ETF1: variants seen among roughly 807,000 people sequenced by gnomAD.
The protein encoded by ETF1 is eukaryotic translation termination factor 1, also known as eukaryotic peptide chain release factor subunit 1.
A neutral mutation model predicts 55.1 loss-of-function variants in ETF1; 4 were observed. The ratio of observed to expected loss-of-function variants is 0.07; its 90% CI spans 0.04 to 0.17. The LOEUF is 0.17. Ranked by LOEUF, ETF1 falls within the 10% of genes least tolerant of loss-of-function variation. The pLI is 1.00. For missense variants in ETF1, 142 were observed against 523.6 expected (o/e 0.27, Z 7.11); for synonymous variants, 157 against 182.3 (o/e 0.86, Z 1.12).
At chr5:138,517,793 T>C in intron 3 of ETF1, 93 bp from the exon 4 acceptor site, 2 of 1,325,846 alleles carry the variant, frequency 1.5e-6, no homozygotes, top group Non-Finnish European at 1.9e-6. Flanking sequence ...TTTCCCTGCC[T>C]GATCCTTTAA....
At chr5:138,540,569 C>T (rs1459467001) in intron 2 of ETF1, among the ~76,000 whole-genome samples, 4 of 152,166 alleles carry the variant, frequency 2.6e-5, no homozygotes, top group Non-Finnish European at 4.4e-5. Context: ...GACTCCCTTA[C>T]CAATACTCAG....
At chr5:138,510,684 G>C in intron 8 of ETF1, 55 bp from the exon 9 acceptor site, 1 of 1,600,400 alleles carries the variant, frequency 6.2e-7, no homozygotes, top group Non-Finnish European at 8.5e-7. Context: ...ACTAATCTGT[G>C]TAAGCTCCAT....
Position 138,508,334 on chromosome 5 carries a change from C to T in ETF1, c.1285G>A (p.Asp429Asn), listed in dbSNP as rs1387042498. 3 of 1,614,002 alleles carry T rather than the reference C, an allele frequency of 1.9e-6. No homozygotes were observed. The highest frequency in any genetic ancestry group is 1.7e-6 in the Non-Finnish European group (2 of 1,180,006). The change falls in exon 11 of 11, where the codon GAT (aspartate) becomes AAT (asparagine). Residue 429 changes from aspartate (D) to asparagine (N), a missense_variant. This residue lies in a region of ETF1 where 82 missense variants were observed against 232.9 expected (regional missense o/e 0.35). Coordinates refer to ENST00000360541, the MANE Select transcript of ETF1 (RefSeq NM_004730.4). ...TAGTCATCAAGGTCAAAAAATTCAT[C>T]GTCTCCTCCTTGGTATTCCATTCCC... ...FQGMEYQGGD[D>N]EFFDLDDY
intron 9 of ETF1, among the ~76,000 whole-genome samples, chr5:138,510,357 C>CAAAAAAAAAAAAAAAAAA (rs57906231): frequency 6.2e-5 from 4 of 64,804 alleles, no homozygotes; most frequent in Admixed American, 2.3e-4. Context: ...GACCTTGTCT[C>CAAAAAAAAAAAAAAAAAA]AAAAAAAAAA....
At chr5:138,508,634 T>C (rs1178638618) in intron 10 of ETF1, 35 bp downstream of exon 10, 3 of 1,610,692 alleles carry the variant, frequency 1.9e-6, no homozygotes, top group Non-Finnish European at 2.5e-6. Flanking sequence ...CCTGAGACCC[T>C]GGTTTTAAGT....
At chr5:138,523,660 T>G (rs145688201) in intron 2 of ETF1, among the ~76,000 whole-genome samples, 1 of 152,312 alleles carries the variant, frequency 6.6e-6, no homozygotes, top group South Asian at 2.1e-4. Context: ...AGAGTGATTG[T>G]TAAAGGGTAC....
intron 2 of ETF1, among the ~76,000 whole-genome samples, chr5:138,526,142 T>C (rs1765463740): frequency 6.6e-6 from 1 of 152,050 alleles, no homozygotes; most frequent in African/African-American, 2.4e-5. Flanking sequence ...GAGTGCATCA[T>C]CTCACAGTAG....
chr5:138,524,779 T>C (rs1464658985), intron 2 of ETF1, among the ~76,000 whole-genome samples: 1 of 151,972 alleles, frequency 6.6e-6, no homozygotes, highest in Non-Finnish European at 1.5e-5. Flanking sequence ...GGTTTCACCA[T>C]GTTGGCCAGG....
intron 2 of ETF1, among the ~76,000 whole-genome samples, chr5:138,533,704 A>C (rs1228272200): frequency 1.3e-5 from 2 of 152,038 alleles, no homozygotes; most frequent in Admixed American, 1.3e-4. Context: ...ACAAAACAAA[A>C]ACCAACAACA....
At chr5:138,537,565 T>C (rs1275321977) in intron 2 of ETF1, among the ~76,000 whole-genome samples, 3 of 152,180 alleles carry the variant, frequency 2.0e-5, no homozygotes, top group Non-Finnish European at 4.4e-5. Context: ...TTTTTTCTCA[T>C]GTGGTCTTTA....
chr5:138,526,386 T>C (rs1017941730), intron 2 of ETF1, among the ~76,000 whole-genome samples: 1 of 152,172 alleles, frequency 6.6e-6, no homozygotes, highest in African/African-American at 2.4e-5. Flanking sequence ...AGAAAGCTTA[T>C]TTTCATAAAG....
At chr5:138,537,536 A>G (rs1343432519) in intron 2 of ETF1, among the ~76,000 whole-genome samples, 3 of 152,230 alleles carry the variant, frequency 2.0e-5, no homozygotes, top group African/African-American at 7.2e-5. Flanking sequence ...ACAAAACTTA[A>G]AATAGTCTAG....
intron 2 of ETF1, among the ~76,000 whole-genome samples, chr5:138,527,047 C>T (rs1200478373): frequency 6.6e-6 from 1 of 152,080 alleles, no homozygotes. Context: ...CCATGTTGGT[C>T]GGGCTGGTCT....
intron 6 of ETF1, among the ~76,000 whole-genome samples, chr5:138,512,259 T>TA (rs57032066): frequency 0.02 from 306 of 15,626 alleles, 1 homozygote; most frequent in Middle Eastern, 0.083. Context: ...TATATATATA[T>TA]TTTTTTTTTT....
In ETF1 at chr5:138,512,197, C is replaced by CAAAAA. The variant is rs58386195; in HGVS notation, c.732+562_732+566dup. Among the ~76,000 whole-genome samples the CAAAAA allele has an allele frequency of 7.7e-3, 22 of 2,842 alleles. 6 individuals carry two copies. The highest frequency in any genetic ancestry group is 0.056 in the East Asian group (2 of 36). The allele number at this position is 2,842 out of a possible 152,430, so 1.9% of individuals were successfully genotyped here. On this transcript the variant is annotated intron_variant, in intron 6 of 10. Transcript: ENST00000360541. Reference sequence around the variant, plus strand: ...TAGGCAAGATAGCCAGACCCAGTCTCAAAAAAAAAAAAAAAAAAAAAAAAA... The same window carrying CAAAAA: ...TAGGCAAGATAGCCAGACCCAGTCTCAAAAAAAAAAAAAAAAAAAAAAAAAAAAAA...
chr5:138,519,048 A>C (rs1765131195), intron 2 of ETF1, 181 bp from the exon 3 acceptor site: 1 of 983,302 alleles, frequency 1.0e-6, no homozygotes, highest in East Asian at 1.1e-4. Flanking sequence ...AGTTAGGAAC[A>C]GTGTTCAGAA....
chr5:138,524,466 T>C (rs888947468), intron 2 of ETF1, among the ~76,000 whole-genome samples: 12 of 151,484 alleles, frequency 7.9e-5, no homozygotes, highest in African/African-American at 2.9e-4. Flanking sequence ...GGTGGGAGAA[T>C]TACCTAAGCC....
At chr5:138,510,513 C>T in intron 9 of ETF1, 52 bp downstream of exon 9, 1 of 1,405,262 alleles carries the variant, frequency 7.1e-7, no homozygotes, top group Non-Finnish European at 1.0e-6. Context: ...AGTACTCTAA[C>T]ACACGGATTT....
rs769287943 is a variant in ETF1 at position 138,506,213 on chromosome 5, CCT to C, written c.*2090_*2091del. On this transcript the variant is annotated 3_prime_UTR_variant, in exon 11 of 11. Transcript: ENST00000360541. ...AATGCAAAGGCTACGGTTTTCACCC[CCT>C]CTTATATGTGTTTGTATGTGTAAGT... 29 of 152,706 alleles carry C rather than the reference CCT, an allele frequency of 1.9e-4. No individual in the cohort carries two copies. The highest frequency in any genetic ancestry group is 2.6e-4 in the Non-Finnish European group (18 of 68,038). 9.5% of individuals were successfully genotyped at this position (152,706 alleles called of 1,614,324 possible). A position where few individuals can be genotyped will look rare whatever the true frequency, so the allele number is the denominator to read the frequency against.
Sources: allele counts gnomAD v4.1 joint callset (sites outside exome capture counted in the v4.1 genomes callset), GRCh38; gene constraint gnomAD v4.1.1; regional missense constraint gnomAD v4.1.1; transcripts MANE v1.5; gene names NCBI Gene and HGNC (gene_info 2026-07-23, HGNC 2026-07-21).